Variants in SH3GL2 observed in about 807,000 individuals in gnomAD.
SH3GL2 encodes endophilin-A1.
A neutral mutation model predicts 46.0 loss-of-function variants in SH3GL2; 24 were observed. That is an observed-to-expected ratio of 0.52 (90% CI 0.38 to 0.73). The LOEUF (loss-of-function observed/expected upper bound fraction) is 0.73, where lower values mean the gene tolerates loss of function less well. SH3GL2 is among the 30% of genes least tolerant of loss of function. The pLI is 0.00. For missense variants in SH3GL2, 413 were observed against 424.2 expected, an observed-to-expected ratio of 0.97 and a Z score of 0.23; for synonymous variants, 196 against 147.1, an observed-to-expected ratio of 1.33 and a Z score of -2.40.
chr9:17,579,557 A>G (rs1818235308), intron 1 of SH3GL2, among the ~76,000 whole-genome samples: 3 of 152,008 alleles, frequency 2.0e-5, no homozygotes, highest in African/African-American at 2.4e-5. Context: ...CCCCCGCATC[A>G]TCTCGCGCCC....
In SH3GL2 at chr9:17,699,694, C is replaced by T. The variant is rs957990052; in HGVS notation, c.46-47372C>T. 1.1e-4 allele frequency among the ~76,000 whole-genome samples: 17 copies of T among 152,328 alleles called. No homozygotes were observed. In the South Asian group the frequency reaches 3.5e-3, roughly 32 times the overall value. ...CATGAGCTTGAGCTCCCAGCAAAGA[C>T]CACGTGCCTCTTTGAACAAGGGCAG... On this transcript the variant is annotated intron_variant, in intron 1 of 8. Transcript: ENST00000380607.
At chr9:17,588,189 C>T (rs1818415515) in intron 1 of SH3GL2, among the ~76,000 whole-genome samples, 1 of 152,036 alleles carries the variant, frequency 6.6e-6, no homozygotes, top group East Asian at 1.9e-4. Context: ...ATATGGTTTT[C>T]AAGGTTGCCA....
chr9:17,675,418 T>C (rs932756771), intron 1 of SH3GL2, among the ~76,000 whole-genome samples: 5 of 152,210 alleles, frequency 3.3e-5, no homozygotes, highest in Admixed American at 6.5e-5. Context: ...AAAGTTCACA[T>C]AAAGCTAAAG....
chr9:17,734,322 C>T (rs1182235721), intron 1 of SH3GL2, among the ~76,000 whole-genome samples: 1 of 152,072 alleles, frequency 6.6e-6, no homozygotes, highest in Non-Finnish European at 1.5e-5. Context: ...TGTGATGTCA[C>T]CTTGTTCTTA....
intron 1 of SH3GL2, among the ~76,000 whole-genome samples, chr9:17,587,605 C>T (rs926485968): frequency 5.3e-5 from 8 of 152,208 alleles, no homozygotes; most frequent in East Asian, 1.9e-4. Context: ...TGGCCAAGTG[C>T]GGTAGCTCAT....
intron 1 of SH3GL2, among the ~76,000 whole-genome samples, chr9:17,600,475 A>C (rs920227778): frequency 7.9e-5 from 12 of 151,934 alleles, no homozygotes; most frequent in Non-Finnish European, 1.2e-4. Context: ...TTTCTCAGTT[A>C]GATCTTCAGA....
At chr9:17,600,950 A>C (rs1339682303) in intron 1 of SH3GL2, among the ~76,000 whole-genome samples, 1 of 152,128 alleles carries the variant, frequency 6.6e-6, no homozygotes, top group Non-Finnish European at 1.5e-5. Context: ...TAGGTAATGG[A>C]TCTCTAAATT....
chr9:17,681,844 A>G (rs1039623340), intron 1 of SH3GL2, among the ~76,000 whole-genome samples: 1 of 152,222 alleles, frequency 6.6e-6, no homozygotes, highest in Non-Finnish European at 1.5e-5. Context: ...CAAGAAATTT[A>G]AACAAATTTA....
chr9:17,616,106 T>C (rs1286256201), intron 1 of SH3GL2, among the ~76,000 whole-genome samples: 1 of 152,190 alleles, frequency 6.6e-6, no homozygotes, highest in East Asian at 1.9e-4. Flanking sequence ...TAACACTTAT[T>C]CTACATCAGC....
At chr9:17,699,443 C>G (rs966630490) in intron 1 of SH3GL2, among the ~76,000 whole-genome samples, 2 of 152,174 alleles carry the variant, frequency 1.3e-5, no homozygotes, top group Non-Finnish European at 2.9e-5. Flanking sequence ...GATATTCTCT[C>G]CTGTGCCTAG....
intron 1 of SH3GL2, among the ~76,000 whole-genome samples, chr9:17,648,636 G>A (rs73645110): frequency 6.0e-4 from 92 of 152,246 alleles, no homozygotes; most frequent in African/African-American, 2.1e-3. Context: ...AATGTACTGA[G>A]GTAGTGACTT....
At chr9:17,624,536 T>G (rs1289419680) in intron 1 of SH3GL2, among the ~76,000 whole-genome samples, 1 of 152,080 alleles carries the variant, frequency 6.6e-6, no homozygotes, top group Non-Finnish European at 1.5e-5. Flanking sequence ...TATTTATTTA[T>G]TTTTTGTGTG....
At chr9:17,670,366 G>T (rs1820442888) in intron 1 of SH3GL2, among the ~76,000 whole-genome samples, 1 of 152,184 alleles carries the variant, frequency 6.6e-6, no homozygotes, top group Non-Finnish European at 1.5e-5. Context: ...GAAGGATGCT[G>T]TGCCCTCACT....
intron 1 of SH3GL2, among the ~76,000 whole-genome samples, chr9:17,706,819 A>G (rs1480039872): frequency 6.6e-6 from 1 of 152,010 alleles, no homozygotes; most frequent in Non-Finnish European, 1.5e-5. Flanking sequence ...AATGACCCTT[A>G]AAAAATGGAA....
chr9:17,616,144 C>G (rs1486058699), intron 1 of SH3GL2, among the ~76,000 whole-genome samples: 1 of 152,078 alleles, frequency 6.6e-6, no homozygotes, highest in Non-Finnish European at 1.5e-5. Context: ...AATATATTTA[C>G]TAAGCTGTTT....
intron 1 of SH3GL2, among the ~76,000 whole-genome samples, chr9:17,633,201 T>G (rs1819472363): frequency 6.6e-6 from 1 of 152,082 alleles, no homozygotes; most frequent in African/African-American, 2.4e-5. Context: ...AGCTTTGATT[T>G]CACAACCATG....
chr9:17,773,268 T>C (rs1356698910), intron 3 of SH3GL2, among the ~76,000 whole-genome samples: 4 of 152,166 alleles, frequency 2.6e-5, no homozygotes, highest in African/African-American at 9.6e-5. Context: ...GTTGCCTTTT[T>C]ACTCAGTTTC....
intron 1 of SH3GL2, among the ~76,000 whole-genome samples, chr9:17,639,552 C>G (rs544173234): frequency 2.0e-5 from 3 of 152,170 alleles, no homozygotes; most frequent in Non-Finnish European, 4.4e-5. Flanking sequence ...GTGGAGCAAC[C>G]GGCACCTTTA....
At chr9:17,616,213 A>C (rs1364636591) in intron 1 of SH3GL2, among the ~76,000 whole-genome samples, 1 of 152,168 alleles carries the variant, frequency 6.6e-6, no homozygotes, top group Non-Finnish European at 1.5e-5. Flanking sequence ...AAAAGAGATA[A>C]ATTAGGAAGC....
Sources: allele counts gnomAD v4.1 joint callset (sites outside exome capture counted in the v4.1 genomes callset), GRCh38; gene constraint gnomAD v4.1.1; transcripts MANE v1.5; gene names NCBI Gene and HGNC (gene_info 2026-07-23, HGNC 2026-07-21).